ACAD10: variants seen among roughly 807,000 people sequenced by gnomAD.
ACAD10 encodes the protein ACAD-10.
A neutral mutation model predicts 116.8 loss-of-function variants in ACAD10; 112 were observed. That is an observed-to-expected ratio of 0.96 (90% CI 0.82 to 1.12). The LOEUF is 1.12. Among genes scored for constraint, ACAD10 ranks in the 50% most tolerant of loss-of-function variants. The pLI, the probability that ACAD10 is intolerant of heterozygous loss-of-function variation, is 0.00. For missense variants in ACAD10, 1,259 were observed against 1,350.2 expected, an observed-to-expected ratio of 0.93 and a Z score of 1.06; for synonymous variants, 486 against 510.6, an observed-to-expected ratio of 0.95 and a Z score of 0.65.
intron 19 of ACAD10, among the ~76,000 whole-genome samples, chr12:111,754,591 C>T (rs893750321): frequency 6.6e-6 from 1 of 151,878 alleles, no homozygotes; most frequent in Non-Finnish European, 1.5e-5. Flanking sequence ...CCTCCAACCC[C>T]ACCCAAGACC....
intron 3 of ACAD10, among the ~76,000 whole-genome samples, chr12:111,703,810 C>T (rs1288400163): frequency 6.6e-6 from 1 of 151,916 alleles, no homozygotes; most frequent in African/African-American, 2.4e-5. Context: ...CACCACTGCA[C>T]TCCAGCCTGG....
chr12:111,721,602 G>A (rs1341365729), intron 7 of ACAD10, 69 bp from the exon 8 acceptor site: 1 of 1,397,152 alleles, frequency 7.2e-7, no homozygotes, highest in Non-Finnish European at 1.0e-6. Context: ...AAAAAACAAA[G>A]AAAAGTAACT....
chr12:111,731,856 G>A (rs1297459452), intron 10 of ACAD10, among the ~76,000 whole-genome samples: 1 of 152,182 alleles, frequency 6.6e-6, no homozygotes, highest in African/African-American at 2.4e-5. Flanking sequence ...GCGAAAGCGG[G>A]CAGATCACTT....
chr12:111,686,888 T>G (rs1301948449), intron 1 of ACAD10, among the ~76,000 whole-genome samples: 1 of 152,220 alleles, frequency 6.6e-6, no homozygotes, highest in Non-Finnish European at 1.5e-5. Flanking sequence ...CTGTCCGTAC[T>G]ATGAGGTTGA....
At chr12:111,687,197 G>A (rs1180020702) in intron 1 of ACAD10, among the ~76,000 whole-genome samples, 1 of 152,028 alleles carries the variant, frequency 6.6e-6, no homozygotes, top group Non-Finnish European at 1.5e-5. Flanking sequence ...GACATAGTGC[G>A]TTCTAGATGT....
In ACAD10 at chr12:111,748,402, C is replaced by G; in HGVS notation, c.2571C>G (p.Leu857=). ...HAPRHRQQSV[L]LVPMDTPGIK... ...CAAGACACCGGCAGCAGTCTGTGCT[C>G]TTGGTTCCCATGGATACCCCAGGGA... Residue 857 remains leucine, a synonymous_variant, in exon 17 of 21, where the codon CTC becomes CTG. Transcript: ENST00000313698. 6.2e-7 allele frequency: 1 copy of G among 1,614,144 alleles called. No homozygotes were observed. The highest frequency in any genetic ancestry group is 8.5e-7 in the Non-Finnish European group (1 of 1,180,028).
intron 6 of ACAD10, among the ~76,000 whole-genome samples, chr12:111,714,393 G>T (rs1184933854): frequency 6.6e-6 from 1 of 152,020 alleles, no homozygotes; most frequent in African/African-American, 2.4e-5. Context: ...GGCCAGGGGT[G>T]GTGGCTCATG....
chr12:111,697,801 A>G (rs1281221725), intron 2 of ACAD10, among the ~76,000 whole-genome samples: 1 of 151,370 alleles, frequency 6.6e-6, no homozygotes, highest in Admixed American at 6.6e-5. Context: ...AGCCAGGATG[A>G]TCTCAATCTC....
chr12:111,707,436 C>G (rs1007854027), intron 4 of ACAD10, among the ~76,000 whole-genome samples: 5 of 152,100 alleles, frequency 3.3e-5, no homozygotes, highest in African/African-American at 4.8e-5. Flanking sequence ...TGTCTTATAA[C>G]CAACAGCAGT....
At chr12:111,714,808 G>A (rs1326960839) in intron 6 of ACAD10, among the ~76,000 whole-genome samples, 1 of 152,050 alleles carries the variant, frequency 6.6e-6, no homozygotes, top group Non-Finnish European at 1.5e-5. Flanking sequence ...CGCCTCTTGG[G>A]TTCTAGTGAT....
intron 12 of ACAD10, among the ~76,000 whole-genome samples, chr12:111,741,578 G>A (rs1055956986): frequency 2.0e-5 from 3 of 152,144 alleles, no homozygotes; most frequent in Non-Finnish European, 4.4e-5. Flanking sequence ...GTTTGTTCAG[G>A]CCTTTATTCC....
chr12:111,748,389 A>G lies in ACAD10; in HGVS notation c.2558A>G (p.Gln853Arg). Residue 853 changes from glutamine to arginine, a missense_variant, in exon 17 of 21, where the codon CAG becomes CGG. Physicochemically the swap from Gln to Arg is conservative, Grantham distance 43 (BLOSUM62 1). Coordinates refer to ENST00000313698, the MANE Select transcript of ACAD10 (RefSeq NM_025247.6). ...KTDPHAPRHR[Q>R]QSVLLVPMDT... ...GACCCACATGCACCAAGACACCGGC[A>G]GCAGTCTGTGCTCTTGGTTCCCATG... 4 of 1,614,170 alleles carry G rather than the reference A, an allele frequency of 2.5e-6. No homozygotes were observed. The highest frequency in any genetic ancestry group is 2.5e-6 in the Non-Finnish European group (3 of 1,180,038).
chr12:111,746,323 C>T (rs1889899033), intron 14 of ACAD10, 39 bp downstream of exon 14: 1 of 1,586,774 alleles, frequency 6.3e-7, no homozygotes, highest in South Asian at 1.1e-5. Context: ...GTGGGAACAT[C>T]CTGATCTTCA....
rs764522415 is a variant in ACAD10 at position 111,733,913 on chromosome 12, G to C, written c.1395-10G>C. On this transcript the variant is annotated splice_polypyrimidine_tract_variant and intron_variant, in intron 10 of 20. Transcript: ENST00000313698. ...TTAGTGCTGTCTCTATTCCTCCTGC[G>C]ACTTTTCAGGCTCGACAACCTGGTG... 4.3e-6 allele frequency: 7 copies of C among 1,614,052 alleles called. No individual in the cohort carries two copies. Among genetic ancestry groups the C allele is most frequent in the Non-Finnish European group, 3.4e-6 (4 of 1,180,038 alleles).
intron 18 of ACAD10, 105 bp downstream of exon 18, chr12:111,749,450 G>A (rs1041285016): frequency 8.6e-6 from 12 of 1,399,132 alleles, no homozygotes; most frequent in Non-Finnish European, 1.0e-5. Context: ...CCTAGCAGGT[G>A]AAGCAAGGTG....
chr12:111,717,650 C>T lies in ACAD10; in HGVS notation c.992+1688C>T, dbSNP rs556257988. Among the ~76,000 whole-genome samples, 12 of 151,350 alleles carry T rather than the reference C, an allele frequency of 7.9e-5. No homozygotes were observed. The South Asian group carries it at 1.7e-3, about 21-fold the overall frequency. On this transcript the variant is annotated intron_variant, in intron 7 of 20. Coordinates refer to ENST00000313698, the MANE Select transcript of ACAD10 (RefSeq NM_025247.6). ...GTGTGATGATACCTCACTATAATCT[C>T]GAACTCCTGGGCTCAAGTGATTCTC...
At position 111,709,639 on chromosome 12, in the gene ACAD10, A is replaced by G. The variant is rs375834504; in HGVS notation, c.645A>G (p.Gly215=). ...AGTCCATCTTTCTTGATGACCTTGGAACAAATCTAAAAGAAGCTGCCAGAC... is the reference window on the plus strand; with the variant it reads ...AGTCCATCTTTCTTGATGACCTTGGGACAAATCTAAAAGAAGCTGCCAGAC... ...PSESIFLDDL[G]TNLKEAARLG... The change falls in exon 5 of 21, where the codon GGA becomes GGG. Residue 215 remains glycine, a synonymous_variant. Transcript: ENST00000313698. The G allele has an allele frequency of 8.1e-6, 13 of 1,613,804 alleles. No homozygotes were observed. The highest frequency in any genetic ancestry group is 1.6e-4 in the Middle Eastern group (1 of 6,082).
chr12:111,755,353 G>T (rs780824001), intron 19 of ACAD10, among the ~76,000 whole-genome samples: 3 of 152,076 alleles, frequency 2.0e-5, no homozygotes, highest in Admixed American at 6.6e-5. Flanking sequence ...TGATCTGCCC[G>T]CCTCGGCCTC....
At chr12:111,696,065 AT>A (rs1010908541) in intron 2 of ACAD10, among the ~76,000 whole-genome samples, 27 of 146,084 alleles carry the variant, frequency 1.8e-4, no homozygotes, top group Admixed American at 2.8e-4. Context: ...GTACTATACT[AT>A]TTTTTTTTTT....
Sources: gnomAD v4.1 joint callset for allele counts (sites outside exome capture counted in the v4.1 genomes callset) on GRCh38, gnomAD v4.1.1 for gene constraint, MANE v1.5 for transcripts, NCBI Gene and HGNC (gene_info 2026-07-23, HGNC 2026-07-21) for gene names.